Variants in RBFOX3 observed in about 807,000 individuals in gnomAD.
RBFOX3 encodes the protein RNA binding protein fox-1 homolog 3.
A neutral mutation model predicts 48.7 loss-of-function variants in RBFOX3; 17 were observed. That is an observed-to-expected ratio of 0.35 (90% CI 0.24 to 0.52). RBFOX3 has a LOEUF of 0.52. Ranked by LOEUF, RBFOX3 falls within the 20% of genes least tolerant of loss-of-function variation. The probability of loss-of-function intolerance (pLI) is 0.94; values close to 1 mark genes in which losing one functional copy is unlikely to be tolerated. For missense variants in RBFOX3, 382 were observed against 497.5 expected (o/e 0.77, Z 2.21); for synonymous variants, 212 against 209.5 (o/e 1.01, Z -0.10).
At chr17:79,161,261 C>A (rs2046925729) in intron 4 of RBFOX3, among the ~76,000 whole-genome samples, 1 of 152,094 alleles carries the variant, frequency 6.6e-6, no homozygotes, top group Admixed American at 6.5e-5. Flanking sequence ...AAGGGGCCGG[C>A]ACGAGTCAAG....
chr17:79,131,024 CAT>C (rs1568189271), intron 4 of RBFOX3, among the ~76,000 whole-genome samples: 1 of 151,964 alleles, frequency 6.6e-6, no homozygotes, highest in Non-Finnish European at 1.5e-5. Context: ...ATGTGTGCCC[CAT>C]GTGTGCTGTG....
chr17:79,620,255 G>A, the RBFOX3 span, among the ~76,000 whole-genome samples: 2 of 131,110 alleles, frequency 1.5e-5, no homozygotes, highest in Non-Finnish European at 1.6e-5. Context: ...ATACGCACAT[G>A]CACACACACG....
chr17:79,500,915 T>G (rs950610435), intron 1 of RBFOX3, among the ~76,000 whole-genome samples: 2 of 152,150 alleles, frequency 1.3e-5, no homozygotes, highest in African/African-American at 2.4e-5. Context: ...TACTTTTAAT[T>G]CAAGGTAACC....
At chr17:79,143,556 A>G (rs1411522418) in intron 4 of RBFOX3, among the ~76,000 whole-genome samples, 1 of 152,144 alleles carries the variant, frequency 6.6e-6, no homozygotes, top group East Asian at 1.9e-4. Context: ...TTCCTTGATG[A>G]GGCTGGGCCT....
intron 4 of RBFOX3, among the ~76,000 whole-genome samples, chr17:79,144,710 G>C (rs1325007458): frequency 6.6e-6 from 1 of 152,228 alleles, no homozygotes; most frequent in Non-Finnish European, 1.5e-5. Flanking sequence ...GAAGGCCAAT[G>C]AACCTCTCTG....
At chr17:79,542,558 T>C (rs1330296893) in intron 1 of RBFOX3, among the ~76,000 whole-genome samples, 2 of 152,180 alleles carry the variant, frequency 1.3e-5, no homozygotes, top group African/African-American at 4.8e-5. Context: ...CCAAGGCAGG[T>C]GGATCACCTG....
intron 4 of RBFOX3, among the ~76,000 whole-genome samples, chr17:79,186,290 G>A (rs1418251473): frequency 2.6e-5 from 4 of 152,378 alleles, no homozygotes; most frequent in East Asian, 1.9e-4. Flanking sequence ...GGATCTGAAC[G>A]TGTGTGTTTG....
At chr17:79,215,236 G>A (rs988808878) in intron 4 of RBFOX3, among the ~76,000 whole-genome samples, 7 of 152,216 alleles carry the variant, frequency 4.6e-5, no homozygotes, top group East Asian at 1.9e-4. Flanking sequence ...TGCCGCCCTC[G>A]TGCAGCTCTG....
intron 4 of RBFOX3, among the ~76,000 whole-genome samples, chr17:79,154,530 G>A (rs1187643325): frequency 6.6e-6 from 1 of 152,238 alleles, no homozygotes. Flanking sequence ...GGGCGCCTGT[G>A]CTGAAGGGCT....
rs555903688 is a variant in RBFOX3 at position 79,277,384 on chromosome 17, A to T, written c.-74+30340T>A. ...ATTACAATTGAGTTTAATATTTAAT[A>T]CAATCAGGTTAATACACATTCCAAA... is the stretch of plus-strand genomic sequence containing the variant. On this transcript the variant is annotated intron_variant, in intron 3 of 14. Transcript: ENST00000693108. Among the ~76,000 whole-genome samples the T allele has an allele frequency of 9.8e-5, 15 of 152,316 alleles. No individual in the cohort carries two copies. In the East Asian group the frequency reaches 2.7e-3, roughly 27 times the overall value.
intron 1 of RBFOX3, among the ~76,000 whole-genome samples, chr17:79,538,428 T>G (rs2089195100): frequency 6.6e-6 from 1 of 152,060 alleles, no homozygotes; most frequent in Admixed American, 6.5e-5. Context: ...CGCCCTGGAG[T>G]GAAGGGCAAG....
intron 14 of RBFOX3, among the ~76,000 whole-genome samples, chr17:79,093,826 C>CACAG (rs1555681688): frequency 6.8e-5 from 10 of 147,350 alleles, no homozygotes; most frequent in South Asian, 2.1e-4. Context: ...CACACACACA[C>CACAG]AGAGACACGC....
Position 79,482,936 on chromosome 17 carries a change from CT to C in RBFOX3, c.-319-339del, listed in dbSNP as rs1178167390. On this transcript the variant is annotated intron_variant, in intron 1 of 14. Transcript: ENST00000693108. The surrounding 1 kb of genome is among the most constrained non-coding windows in gnomAD (Gnocchi z 4.1). The stretch of plus-strand genomic sequence containing the variant: ...CTCTTCCACCCCACCACGCTGGCCC[CT>C]CCCCATCGCCTTTCCCACTACCGCC... 1.3e-5 allele frequency among the ~76,000 whole-genome samples: 2 copies of C among 152,006 alleles called. No homozygotes were observed. The highest frequency in any genetic ancestry group is 2.9e-5 in the Non-Finnish European group (2 of 67,994).
At chr17:79,170,079 G>C (rs970638018) in intron 4 of RBFOX3, among the ~76,000 whole-genome samples, 3 of 146,860 alleles carry the variant, frequency 2.0e-5, no homozygotes, top group Non-Finnish European at 4.5e-5. Flanking sequence ...AGGAAACGGA[G>C]GAAGGAAGGA....
chr17:79,367,043 G>C (rs896146531), intron 2 of RBFOX3, among the ~76,000 whole-genome samples: 1 of 152,154 alleles, frequency 6.6e-6, no homozygotes, highest in Non-Finnish European at 1.5e-5. Context: ...CTGCTGCACC[G>C]TGTTGTGACT....
intron 1 of RBFOX3, among the ~76,000 whole-genome samples, chr17:79,567,676 T>C (rs1332566948): frequency 3.3e-5 from 5 of 152,114 alleles, no homozygotes; most frequent in African/African-American, 1.2e-4. Context: ...AATAAGTAAA[T>C]AAATAAACTA....
chr17:79,293,912 AGCT>A (rs2145020698), intron 3 of RBFOX3, among the ~76,000 whole-genome samples: 1 of 152,326 alleles, frequency 6.6e-6, no homozygotes, highest in East Asian at 1.9e-4. Flanking sequence ...TTTAAGCCCC[AGCT>A]GCTATTACAG....
intron 1 of RBFOX3, among the ~76,000 whole-genome samples, chr17:79,589,602 G>A (rs1011998776): frequency 1.3e-5 from 2 of 152,168 alleles, no homozygotes; most frequent in Non-Finnish European, 2.9e-5. Context: ...CCTCCCTGCT[G>A]CCTGCCCAGG....
rs1175923663 is a variant in RBFOX3, at chr17:79,418,246, G to T, written c.-175+64208C>A. 2.0e-5 allele frequency among the ~76,000 whole-genome samples: 3 copies of T among 152,168 alleles called. No homozygotes were observed. The highest frequency in any genetic ancestry group is 7.2e-5 in the African/African-American group (3 of 41,442). On this transcript the variant is annotated intron_variant, in intron 2 of 14. Transcript: ENST00000693108. This position sits in a 1 kb window ranked among gnomAD's most constrained non-coding sequence, Gnocchi z 5.0. The stretch of plus-strand genomic sequence containing the variant: ...GCATATTTTACCACAACGACAAAAA[G>T]TTTTTTCCAATCGCAGGGATGTATG...
Sources: allele counts gnomAD v4.1 joint callset (sites outside exome capture counted in the v4.1 genomes callset), GRCh38; gene constraint gnomAD v4.1.1; non-coding constraint Gnocchi (gnomAD v3.1); transcripts MANE v1.5; gene names NCBI Gene and HGNC (gene_info 2026-07-23, HGNC 2026-07-21).